ADAMTSL1: variants seen among roughly 807,000 people sequenced by gnomAD.
ADAMTSL1 encodes the protein ADAMTS-like protein 1.
In ADAMTSL1, 126 loss-of-function variants were observed where a neutral mutation model predicts 201.8. The ratio of observed to expected loss-of-function variants is 0.62; its 90% CI spans 0.54 to 0.72. The LOEUF is 0.72. Ranked by LOEUF, ADAMTSL1 falls within the 30% of genes least tolerant of loss-of-function variation. The pLI, the probability that ADAMTSL1 is intolerant of heterozygous loss-of-function variation, is 0.00. For missense variants in ADAMTSL1, 2,679 were observed against 2,277.8 expected, an observed-to-expected ratio of 1.18 and a Z score of -3.59; for synonymous variants, 1,121 against 903.4, an observed-to-expected ratio of 1.24 and a Z score of -4.32.
rs868621640 is a variant in ADAMTSL1 at position 18,718,055 on chromosome 9, A to G, written c.1877-3481A>G. 21 of 1,527,738 alleles carry G rather than the reference A, an allele frequency of 1.4e-5. No individual in the cohort carries two copies. The Middle Eastern group carries it at 1.4e-3, about 98-fold the overall frequency. 94.6% of individuals were successfully genotyped at this position (1,527,738 alleles called of 1,614,324 possible). A position where few individuals can be genotyped will look rare whatever the true frequency, so the allele number is the denominator to read the frequency against. ...GTTAATCTGCCGCACTAGGTCATAA[A>G]AGATCTCATTAACATTTATTTTGAA... is the stretch of plus-strand genomic sequence containing the variant. On this transcript the variant is annotated intron_variant, in intron 14 of 28. Transcript: ENST00000380548.
intron 16 of ADAMTSL1, among the ~76,000 whole-genome samples, chr9:18,760,143 G>A (rs889344472): frequency 1.3e-5 from 2 of 152,092 alleles, no homozygotes; most frequent in African/African-American, 2.4e-5. Context: ...TCAAGTAGGT[G>A]ACACCACCAT....
In ADAMTSL1 at chr9:18,898,219, G is replaced by A. The variant is rs572212524; in HGVS notation, c.4851+5623G>A. Among the ~76,000 whole-genome samples, 11 of 152,208 alleles carry A rather than the reference G, an allele frequency of 7.2e-5. No individual in the cohort carries two copies. The East Asian group carries it at 1.2e-3, about 16-fold the overall frequency. On this transcript the variant is annotated intron_variant, in intron 26 of 28. Transcript: ENST00000380548. ...AAGAAGGTGGGTAATAACAAACTTC[G>A]CTGAGCTAAAGGAGCATGTTGTAAC... is the stretch of plus-strand genomic sequence containing the variant.
intron 2 of ADAMTSL1, among the ~76,000 whole-genome samples, chr9:18,298,925 T>C (rs1007216813): frequency 1.3e-5 from 2 of 150,228 alleles, no homozygotes; most frequent in African/African-American, 4.9e-5. Context: ...GGCAGGAGAA[T>C]GGCGTGAACC....
At chr9:17,998,476 A>G (rs1429185192) in intron 1 of ADAMTSL1, among the ~76,000 whole-genome samples, 1 of 152,040 alleles carries the variant, frequency 6.6e-6, no homozygotes, top group East Asian at 1.9e-4. Context: ...AAGAAATGAG[A>G]ACAGACTCAC....
chr9:18,804,488 G>C (rs909683038), intron 20 of ADAMTSL1, among the ~76,000 whole-genome samples: 1 of 152,126 alleles, frequency 6.6e-6, no homozygotes, highest in Non-Finnish European at 1.5e-5. Context: ...ACTAGACTAA[G>C]AAAAGATCTT....
rs1242243261 is a variant in ADAMTSL1, at chr9:18,906,678, C to T, written c.4962-14C>T. 1.9e-6 allele frequency: 3 copies of T among 1,556,676 alleles called. No individual in the cohort carries two copies. Among genetic ancestry groups the T allele is most frequent in the South Asian group, 2.4e-5 (2 of 83,846 alleles). On this transcript the variant is annotated splice_polypyrimidine_tract_variant and intron_variant, in intron 27 of 28. Coordinates refer to ENST00000380548, the MANE Select transcript of ADAMTSL1 (RefSeq NM_001040272.6). ...ACAGAAGCAAACCTTAACCCTGCCA[C>T]CATCCTCCTGCAGGCCTGTGAGCAC...
At chr9:18,772,979 T>G (rs921945394) in intron 17 of ADAMTSL1, among the ~76,000 whole-genome samples, 17 of 152,176 alleles carry the variant, frequency 1.1e-4, no homozygotes, top group African/African-American at 3.9e-4. Context: ...ACTGAATTGT[T>G]GGGATTAAAC....
At chr9:18,324,777 A>G (rs1342450593) in intron 2 of ADAMTSL1, among the ~76,000 whole-genome samples, 3 of 152,072 alleles carry the variant, frequency 2.0e-5, no homozygotes, top group African/African-American at 7.2e-5. Context: ...AAAAAAAAAA[A>G]ATACACTACA....
At chr9:18,238,099 G>A (rs770109977) in intron 2 of ADAMTSL1, among the ~76,000 whole-genome samples, 42 of 152,196 alleles carry the variant, frequency 2.8e-4, no homozygotes, top group Non-Finnish European at 4.9e-4. Flanking sequence ...CCACAGTTCT[G>A]ACTTAGATTC....
At chr9:18,669,659 A>T (rs1371258515) in intron 9 of ADAMTSL1, among the ~76,000 whole-genome samples, 1 of 152,148 alleles carries the variant, frequency 6.6e-6, no homozygotes, top group Non-Finnish European at 1.5e-5. Flanking sequence ...GTGTCACAGG[A>T]GGTAAATTTT....
intron 1 of ADAMTSL1, among the ~76,000 whole-genome samples, chr9:18,071,493 T>C: frequency 6.6e-6 from 1 of 152,194 alleles, no homozygotes; most frequent in East Asian, 1.9e-4. Context: ...ATGTTATTGT[T>C]CCAAATTCTC....
intron 14 of ADAMTSL1, among the ~76,000 whole-genome samples, chr9:18,718,939 A>T (rs1204106441): frequency 1.3e-5 from 2 of 152,216 alleles, no homozygotes; most frequent in Non-Finnish European, 2.9e-5. Context: ...AAACAGGTAA[A>T]TGAGTTAAAA....
At chr9:18,232,271 C>G (rs1014444411) in intron 2 of ADAMTSL1, among the ~76,000 whole-genome samples, 1 of 152,114 alleles carries the variant, frequency 6.6e-6, no homozygotes, top group Non-Finnish European at 1.5e-5. Context: ...CTGCTCTTCC[C>G]CTAGATATCT....
At chr9:18,013,657 C>A (rs886978232) in intron 1 of ADAMTSL1, among the ~76,000 whole-genome samples, 2 of 151,984 alleles carry the variant, frequency 1.3e-5, no homozygotes, top group Admixed American at 6.6e-5. Flanking sequence ...TGTTACTCAA[C>A]TTTAGTTTTA....
chr9:18,506,133 C>T (rs564096887), intron 2 of ADAMTSL1, among the ~76,000 whole-genome samples: 1 of 152,126 alleles, frequency 6.6e-6, no homozygotes, highest in Non-Finnish European at 1.5e-5. Flanking sequence ...TTGTATTTAC[C>T]AGCAGGTTTG....
intron 2 of ADAMTSL1, among the ~76,000 whole-genome samples, chr9:18,343,971 T>C (rs1318168729): frequency 6.6e-6 from 1 of 152,150 alleles, no homozygotes; most frequent in Non-Finnish European, 1.5e-5. Flanking sequence ...GAATGTCTCT[T>C]GCTACAATCC....
At chr9:18,625,254 T>G (rs1243033399) in intron 5 of ADAMTSL1, among the ~76,000 whole-genome samples, 1 of 149,598 alleles carries the variant, frequency 6.7e-6, no homozygotes, top group Non-Finnish European at 1.5e-5. Context: ...CTCACTTTCT[T>G]TCTGAACTTA....
chr9:18,351,620 G>C (rs1041733550), intron 2 of ADAMTSL1, among the ~76,000 whole-genome samples: 4 of 152,132 alleles, frequency 2.6e-5, no homozygotes, highest in Non-Finnish European at 4.4e-5. Context: ...AAGAACTCTG[G>C]CTAAAACAGG....
chr9:18,908,457 C>G lies in ADAMTSL1; in HGVS notation c.5198C>G (p.Thr1733Ser). The change falls in exon 29 of 29, where the codon ACC (threonine) becomes AGC (serine). Residue 1733 changes from threonine (T) to serine (S), a missense_variant. Thr to Ser is a moderately conservative substitution (Grantham distance 58). Transcript: ENST00000380548. ...CCTTTCCCAGTGGAGTGCAGAGACA[C>G]CACCAGGTACTGCGAGAAGGTGAAA... is the stretch of plus-strand genomic sequence containing the variant. ...TPCENMECRD[T>S]TRYCEKVKQL... 1 of 1,558,910 alleles carries G rather than the reference C, an allele frequency of 6.4e-7. No homozygotes were observed. Among genetic ancestry groups the G allele is most frequent in the African/African-American group, 1.4e-5 (1 of 73,410 alleles).
Sources: allele counts gnomAD v4.1 joint callset (sites outside exome capture counted in the v4.1 genomes callset), GRCh38; gene constraint gnomAD v4.1.1; transcripts MANE v1.5; gene names NCBI Gene and HGNC (gene_info 2026-07-23, HGNC 2026-07-21).